FAM135A: variants seen among roughly 807,000 people sequenced by gnomAD.
FAM135A encodes family with sequence similarity 135 member A.
Under a neutral mutation model 146.8 loss-of-function variants are expected in FAM135A, and 79 were observed. That is an observed-to-expected ratio of 0.54 (90% CI 0.45 to 0.65). The LOEUF (loss-of-function observed/expected upper bound fraction) is 0.65. Ranked by LOEUF, FAM135A falls within the 30% of genes least tolerant of loss-of-function variation. The pLI, the probability that FAM135A is intolerant of heterozygous loss-of-function variation, is 0.00. For missense variants in FAM135A, 1,623 were observed against 1,758.2 expected, an observed-to-expected ratio of 0.92 and a Z score of 1.38; for synonymous variants, 562 against 603.6, an observed-to-expected ratio of 0.93 and a Z score of 1.01.
intron 4 of FAM135A, among the ~76,000 whole-genome samples, chr6:70,437,961 C>T (rs1455005112): frequency 6.6e-6 from 1 of 151,904 alleles, no homozygotes; most frequent in Non-Finnish European, 1.5e-5. Flanking sequence ...ATCATTCTTT[C>T]TATAGATACT....
At chr6:70,550,488 G>A (rs1046140477) in intron 20 of FAM135A, among the ~76,000 whole-genome samples, 3 of 152,180 alleles carry the variant, frequency 2.0e-5, no homozygotes, top group Non-Finnish European at 2.9e-5. Flanking sequence ...GGTTGAGTAG[G>A]GGGATTGTTA....
intron 20 of FAM135A, among the ~76,000 whole-genome samples, chr6:70,543,782 A>G (rs1335917201): frequency 6.6e-6 from 1 of 152,238 alleles, no homozygotes; most frequent in Non-Finnish European, 1.5e-5. Context: ...TTAATTAGCA[A>G]TAATAATAGC....
chr6:70,427,190 C>A (rs1048440976), intron 3 of FAM135A, among the ~76,000 whole-genome samples: 1 of 152,062 alleles, frequency 6.6e-6, no homozygotes, highest in Non-Finnish European at 1.5e-5. Context: ...ACTGAAGTCA[C>A]CCAACAATAG....
At chr6:70,451,049 C>T (rs1208477) in intron 4 of FAM135A, among the ~76,000 whole-genome samples, 76,353 of 151,832 alleles carry the variant, frequency 0.5, 23,195 homozygotes, top group African/African-American at 0.86. Flanking sequence ...GGCCACTTTC[C>T]TCTTTTTGCT....
intron 8 of FAM135A, 131 bp downstream of exon 8, chr6:70,477,463 T>C (rs1782846613): frequency 1.1e-6 from 1 of 921,184 alleles, no homozygotes; most frequent in African/African-American, 1.7e-5. Context: ...GGAAGCATGA[T>C]GCTGGCATCT....
intron 5 of FAM135A, among the ~76,000 whole-genome samples, chr6:70,464,666 TC>T (rs1188690599): frequency 0.015 from 2,087 of 135,252 alleles, 155 homozygotes; most frequent in African/African-American, 0.051. Context: ...TTCTTTTTTT[TC>T]TTTTTTTTTT....
chr6:70,540,471 C>A (rs1797711457), intron 20 of FAM135A, among the ~76,000 whole-genome samples: 1 of 151,850 alleles, frequency 6.6e-6, no homozygotes, highest in South Asian at 2.1e-4. Context: ...ACTACAGGCG[C>A]CCGCCACCAC....
At chr6:70,512,751 G>A (rs930885960) in intron 12 of FAM135A, among the ~76,000 whole-genome samples, 5 of 151,762 alleles carry the variant, frequency 3.3e-5, no homozygotes, top group Non-Finnish European at 7.4e-5. Context: ...CTAGCCTGAG[G>A]TTTATATTTT....
chr6:70,498,144 A>C (rs1010867730), intron 11 of FAM135A, among the ~76,000 whole-genome samples: 1 of 152,128 alleles, frequency 6.6e-6, no homozygotes, highest in Non-Finnish European at 1.5e-5. Context: ...TACTGCCTCA[A>C]TTTCAGACCT....
intron 12 of FAM135A, among the ~76,000 whole-genome samples, chr6:70,515,310 CA>C (rs1182516029): frequency 6.6e-6 from 1 of 152,226 alleles, no homozygotes; most frequent in Non-Finnish European, 1.5e-5. Context: ...AAAACCTCCA[CA>C]TATAGCAGCT....
chr6:70,481,895 A>C, intron 9 of FAM135A, 106 bp from the exon 10 acceptor site: 1 of 1,094,322 alleles, frequency 9.1e-7, no homozygotes, highest in Non-Finnish European at 1.3e-6. Flanking sequence ...TATTAGAATA[A>C]ATTTAGTTGA....
intron 4 of FAM135A, among the ~76,000 whole-genome samples, chr6:70,439,318 A>G (rs577827460): frequency 3.2e-4 from 49 of 152,294 alleles, no homozygotes; most frequent in Non-Finnish European, 6.2e-4. Context: ...AGGGGAGACT[A>G]TTGTATTTAG....
intron 8 of FAM135A, among the ~76,000 whole-genome samples, chr6:70,478,472 T>C (rs1450734595): frequency 6.6e-6 from 1 of 152,172 alleles, no homozygotes; most frequent in East Asian, 1.9e-4. Flanking sequence ...AACTGATTTA[T>C]CAGAAAACTA....
At position 70,502,681 on chromosome 6, in the gene FAM135A, C is replaced by A. The variant is rs544400377; in HGVS notation, c.919C>A (p.Leu307Ile). ...ACTGGCAGAACTTATAAATATGAAT[C>A]TTGCGCAACTTTGCTCACTTTTGAT... ...DELAELINMNLAQLCSLLMAL... is the reference protein window; with the variant it reads ...DELAELINMNIAQLCSLLMAL... The change falls in exon 12 of 22, where the codon CTT (leucine) becomes ATT (isoleucine). Residue 307 changes from leucine (L) to isoleucine (I), a missense_variant. This residue lies in a region of FAM135A where 206 missense variants were observed against 194.7 expected (regional missense o/e 1.06). Coordinates refer to ENST00000418814, the MANE Select transcript of FAM135A (RefSeq NM_001162529.3). 32 of 1,612,926 alleles carry A rather than the reference C, an allele frequency of 2.0e-5. 1 individual carries two copies. In the South Asian group the frequency reaches 3.1e-4, roughly 16 times the overall value.
In FAM135A at chr6:70,525,313, A is replaced by T; in HGVS notation, c.2229A>T (p.Glu743Asp). Residue 743 changes from glutamate (E) to aspartate (D), a missense_variant, in exon 15 of 22, where the codon GAA becomes GAT. By Grantham distance (45) the Glu-to-Asp change is conservative. Coordinates refer to ENST00000418814, the MANE Select transcript of FAM135A (RefSeq NM_001162529.3). ...RSNLPAPSTK[E>D]YHVVVSGDTI... ...ATCTACCTGCCCCTTCTACAAAAGA[A>T]TATCATGTTGTAGTAAGTGGAGATA... 1 of 1,610,700 alleles carries T rather than the reference A, an allele frequency of 6.2e-7. No individual in the cohort carries two copies. Among genetic ancestry groups the T allele is most frequent in the Non-Finnish European group, 8.5e-7 (1 of 1,178,666 alleles).
intron 9 of FAM135A, 113 bp downstream of exon 9, chr6:70,481,140 A>G (rs1783629765): frequency 3.1e-6 from 3 of 964,938 alleles, no homozygotes; most frequent in Non-Finnish European, 4.3e-6. Context: ...TCAGCAACTT[A>G]TAGATCTAAT....
intron 20 of FAM135A, among the ~76,000 whole-genome samples, chr6:70,548,717 TAATC>T (rs1377933355): frequency 4.8e-5 from 7 of 146,924 alleles, no homozygotes; most frequent in Admixed American, 4.1e-4. Flanking sequence ...TTAAAAATCT[TAATC>T]AGTGGGAAAT....
chr6:70,465,448 G>T lies in FAM135A; in HGVS notation c.158-9962G>T, dbSNP rs541542084. Among the ~76,000 whole-genome samples, 26 of 152,110 alleles carry T rather than the reference G, an allele frequency of 1.7e-4. No individual in the cohort carries two copies. In the East Asian group the frequency reaches 5.0e-3, roughly 30 times the overall value. On this transcript the variant is annotated intron_variant, in intron 5 of 21. Transcript: ENST00000418814. ...TATTATTTTTATTTTTTGAGACAGGGTCTCGTTCTGTCATCCAGGCTGGAG... is the reference window on the plus strand; with the variant it reads ...TATTATTTTTATTTTTTGAGACAGGTTCTCGTTCTGTCATCCAGGCTGGAG...
At chr6:70,430,556 T>C (rs1771349606) in intron 4 of FAM135A, among the ~76,000 whole-genome samples, 1 of 152,182 alleles carries the variant, frequency 6.6e-6, no homozygotes, top group Admixed American at 6.5e-5. Context: ...GCCACAGTTG[T>C]TTTTGAGACA....
Sources: gnomAD v4.1 joint callset for allele counts (sites outside exome capture counted in the v4.1 genomes callset) on GRCh38, gnomAD v4.1.1 for gene constraint, gnomAD v4.1.1 regional missense constraint, MANE v1.5 for transcripts, NCBI Gene and HGNC (gene_info 2026-07-23, HGNC 2026-07-21) for gene names.